KCNH5: variants seen among roughly 807,000 people sequenced by gnomAD.
KCNH5 encodes the protein voltage-gated delayed rectifier potassium channel KCNH5.
KCNH5 carries 46 observed loss-of-function variants against 96.1 expected under a neutral mutation model. The observed-to-expected ratio is 0.48, with a 90% CI of 0.38 to 0.61. The LOEUF is 0.61. KCNH5 is among the 20% of genes least tolerant of loss of function. The pLI is 0.00. For synonymous variants in KCNH5, 439 were observed against 449.8 expected (o/e 0.98, Z 0.30); for missense variants, 907 against 1,225.8 (o/e 0.74, Z 3.88).
chr14:62,733,799 T>A (rs552621471), intron 10 of KCNH5, among the ~76,000 whole-genome samples: 4 of 152,284 alleles, frequency 2.6e-5, no homozygotes, highest in Admixed American at 2.6e-4. Flanking sequence ...TATCTTCTTG[T>A]GCTTCCTTTA....
intron 10 of KCNH5, among the ~76,000 whole-genome samples, chr14:62,743,229 A>G (rs937039162): frequency 6.6e-6 from 1 of 152,158 alleles, no homozygotes; most frequent in Non-Finnish European, 1.5e-5. Context: ...TAAAAGTATA[A>G]TGGGCCTCAC....
intron 7 of KCNH5, among the ~76,000 whole-genome samples, chr14:62,902,435 T>G (rs1212723328): frequency 6.6e-6 from 1 of 152,124 alleles, no homozygotes; most frequent in Non-Finnish European, 1.5e-5. Context: ...TAAATACAAA[T>G]TAAAAAGTAG....
intron 7 of KCNH5, among the ~76,000 whole-genome samples, chr14:62,907,750 G>A (rs1889057908): frequency 6.6e-6 from 1 of 152,162 alleles, no homozygotes; most frequent in South Asian, 2.1e-4. Flanking sequence ...AAAACAGGAA[G>A]CCGTTCTCAA....
chr14:62,850,397 A>G (rs1887780944), intron 7 of KCNH5, among the ~76,000 whole-genome samples: 2 of 152,240 alleles, frequency 1.3e-5, no homozygotes, highest in South Asian at 4.1e-4. Flanking sequence ...CTTCATGTTT[A>G]GAAGGTTCTG....
intron 7 of KCNH5, among the ~76,000 whole-genome samples, chr14:62,941,490 G>T (rs1204325972): frequency 6.6e-6 from 1 of 152,106 alleles, no homozygotes; most frequent in Non-Finnish European, 1.5e-5. Flanking sequence ...CTATAACCCT[G>T]AACTTGGGGC....
chr14:62,752,941 G>T (rs1885534970), intron 10 of KCNH5, among the ~76,000 whole-genome samples: 1 of 152,144 alleles, frequency 6.6e-6, no homozygotes, highest in Admixed American at 6.5e-5. Context: ...CCCAGTCTCA[G>T]ATAGTATCTT....
At chr14:62,954,920 G>A (rs768452791) in intron 6 of KCNH5, among the ~76,000 whole-genome samples, 1 of 151,978 alleles carries the variant, frequency 6.6e-6, no homozygotes, top group African/African-American at 2.4e-5. Context: ...ATAGTATGGA[G>A]GAAACACCCC....
At chr14:62,739,477 T>C (rs61994833) in intron 10 of KCNH5, among the ~76,000 whole-genome samples, 73,400 of 151,896 alleles carry the variant, frequency 0.48, 18,032 homozygotes, top group South Asian at 0.65. Flanking sequence ...TTAGAGTATG[T>C]AGGCATTTTT....
chr14:62,919,356 A>C (rs960265917), intron 7 of KCNH5, among the ~76,000 whole-genome samples: 4 of 152,166 alleles, frequency 2.6e-5, no homozygotes, highest in Non-Finnish European at 5.9e-5. Flanking sequence ...TAATATTTTA[A>C]TAATGATATA....
At chr14:62,921,822 C>A (rs1889386164) in intron 7 of KCNH5, among the ~76,000 whole-genome samples, 1 of 152,096 alleles carries the variant, frequency 6.6e-6, no homozygotes, top group African/African-American at 2.4e-5. Context: ...TTTTATCTAA[C>A]AGCCTTGTGG....
intron 7 of KCNH5, among the ~76,000 whole-genome samples, chr14:62,900,490 A>C (rs1390126483): frequency 1.1e-4 from 16 of 152,212 alleles, no homozygotes; most frequent in Non-Finnish European, 1.6e-4. Context: ...CATTATGGGA[A>C]GTGATTATAA....
At chr14:62,910,349 A>T (rs1889125458) in intron 7 of KCNH5, among the ~76,000 whole-genome samples, 1 of 152,204 alleles carries the variant, frequency 6.6e-6, no homozygotes, top group Admixed American at 6.5e-5. Flanking sequence ...AGATACTAGT[A>T]CATATTTTAC....
chr14:62,831,139 C>T (rs1207343558), intron 8 of KCNH5, among the ~76,000 whole-genome samples: 1 of 152,116 alleles, frequency 6.6e-6, no homozygotes. Flanking sequence ...GCTAGTGAAC[C>T]CTGGTGGCTA....
chr14:63,012,781 TG>T (rs1274654733), intron 2 of KCNH5, among the ~76,000 whole-genome samples: 3 of 151,518 alleles, frequency 2.0e-5, no homozygotes, highest in African/African-American at 7.3e-5. Flanking sequence ...AACATAATGG[TG>T]AATGAAAAGA....
At chr14:63,025,314 A>G (rs2139617125) in intron 1 of KCNH5, among the ~76,000 whole-genome samples, 1 of 152,232 alleles carries the variant, frequency 6.6e-6, no homozygotes. Flanking sequence ...AAAATCAGGA[A>G]CAAGACAAGG....
At chr14:62,806,658 A>T (rs1365826272) in intron 8 of KCNH5, among the ~76,000 whole-genome samples, 4 of 152,066 alleles carry the variant, frequency 2.6e-5, no homozygotes, top group Non-Finnish European at 5.9e-5. Flanking sequence ...GGGGAGTTAG[A>T]GTCTCTCCCA....
chr14:62,842,458 C>T (rs1056874355), intron 8 of KCNH5, among the ~76,000 whole-genome samples: 1 of 152,142 alleles, frequency 6.6e-6, no homozygotes, highest in African/African-American at 2.4e-5. Flanking sequence ...CTGAGAAACA[C>T]ATGTAGATGT....
chr14:63,044,953 ACC>A (rs1258258709), intron 1 of KCNH5, among the ~76,000 whole-genome samples, 159 bp downstream of exon 1: 1 of 151,658 alleles, frequency 6.6e-6, no homozygotes, highest in Non-Finnish European at 1.5e-5. Context: ...TCTCATTGCC[ACC>A]CCACCCCACC....
At chr14:62,884,498 C>T (rs992927679) in intron 7 of KCNH5, among the ~76,000 whole-genome samples, 3 of 152,042 alleles carry the variant, frequency 2.0e-5, no homozygotes, top group African/African-American at 4.8e-5. Flanking sequence ...TGGCAGTATG[C>T]GCCTGTCATC....
Sources: allele counts gnomAD v4.1 joint callset (sites outside exome capture counted in the v4.1 genomes callset), GRCh38; gene constraint gnomAD v4.1.1; transcripts MANE v1.5; gene names NCBI Gene and HGNC (gene_info 2026-07-23, HGNC 2026-07-21).